Variants in UNC5D observed in about 807,000 individuals in gnomAD.
The protein encoded by UNC5D is netrin receptor UNC5D.
UNC5D carries 39 observed loss-of-function variants against 105.4 expected under a neutral mutation model. The observed-to-expected ratio is 0.37, with a 90% confidence interval of 0.29 to 0.48. The LOEUF (loss-of-function observed/expected upper bound fraction) is 0.48. Among genes scored for constraint, UNC5D ranks in the 20% least tolerant of loss-of-function variants. The probability of loss-of-function intolerance (pLI) is 0.98; values close to 1 mark genes in which losing one functional copy is unlikely to be tolerated. For missense variants in UNC5D, 991 were observed against 1,202.4 expected, an observed-to-expected ratio of 0.82 and a Z score of 2.60; for synonymous variants, 452 against 450.4, an observed-to-expected ratio of 1.00 and a Z score of -0.04.
intron 1 of UNC5D, among the ~76,000 whole-genome samples, chr8:35,292,220 T>G (rs1416320499): frequency 1.3e-5 from 2 of 152,216 alleles, no homozygotes; most frequent in East Asian, 3.9e-4. Context: ...TTCACTAGTT[T>G]CCCATTTCTG....
chr8:35,774,590 G>T, intron 16 of UNC5D, 113 bp downstream of exon 16: 1 of 1,354,388 alleles, frequency 7.4e-7, no homozygotes, highest in Non-Finnish European at 1.0e-6. Flanking sequence ...GAGTTCCTCT[G>T]GCCATATTTC....
intron 4 of UNC5D, among the ~76,000 whole-genome samples, chr8:35,626,208 T>C (rs993833329): frequency 6.6e-6 from 1 of 151,548 alleles, no homozygotes; most frequent in Non-Finnish European, 1.5e-5. Context: ...TTTTTTTTTT[T>C]AAAGGTAAGG....
chr8:35,314,578 C>A (rs1049084522), intron 1 of UNC5D, among the ~76,000 whole-genome samples: 1 of 148,556 alleles, frequency 6.7e-6, no homozygotes, highest in Non-Finnish European at 1.5e-5. Context: ...TATGTAAAAT[C>A]ATCTAATTTA....
intron 13 of UNC5D, among the ~76,000 whole-genome samples, chr8:35,757,501 C>T (rs1229660502): frequency 6.6e-6 from 1 of 152,178 alleles, no homozygotes; most frequent in Non-Finnish European, 1.5e-5. Flanking sequence ...AATGTCTAGA[C>T]TCCTTTCCTG....
intron 1 of UNC5D, among the ~76,000 whole-genome samples, chr8:35,503,426 G>C (rs1176564758): frequency 6.6e-6 from 1 of 152,156 alleles, no homozygotes. Context: ...ACTAGCATGA[G>C]AGCAGTATGG....
intron 1 of UNC5D, among the ~76,000 whole-genome samples, chr8:35,336,791 G>GTTTTTTTT (rs11404669): frequency 6.8e-6 from 1 of 147,610 alleles, no homozygotes; most frequent in African/African-American, 2.5e-5. Flanking sequence ...AGGAAATAGT[G>GTTTTTTTT]TTTTTTTTTT....
intron 2 of UNC5D, among the ~76,000 whole-genome samples, chr8:35,565,458 A>C (rs1817272181): frequency 2.0e-5 from 3 of 152,028 alleles, no homozygotes; most frequent in Non-Finnish European, 4.4e-5. Context: ...GACTTGCTTG[A>C]GTCCCTTGTA....
intron 1 of UNC5D, among the ~76,000 whole-genome samples, chr8:35,458,809 T>C (rs1233064388): frequency 6.6e-6 from 1 of 152,202 alleles, no homozygotes; most frequent in Non-Finnish European, 1.5e-5. Flanking sequence ...CAATCCAAAA[T>C]GATCCAAGAA....
intron 1 of UNC5D, among the ~76,000 whole-genome samples, chr8:35,407,726 G>A (rs1452854524): frequency 6.6e-6 from 1 of 151,832 alleles, no homozygotes; most frequent in South Asian, 2.1e-4. Context: ...GTGTGTGTTG[G>A]TCCCCTCTAT....
intron 1 of UNC5D, among the ~76,000 whole-genome samples, chr8:35,518,738 A>T (rs1304978622): frequency 6.6e-6 from 1 of 152,222 alleles, no homozygotes; most frequent in Non-Finnish European, 1.5e-5. Context: ...GCTGTTTGGC[A>T]GACAGAATCC....
intron 1 of UNC5D, among the ~76,000 whole-genome samples, chr8:35,345,869 A>G (rs894727186): frequency 2.0e-5 from 3 of 152,054 alleles, no homozygotes; most frequent in African/African-American, 7.2e-5. Flanking sequence ...AAGCAGAGTC[A>G]TCTCTTTGTA....
At chr8:35,465,638 T>A (rs1265763767) in intron 1 of UNC5D, among the ~76,000 whole-genome samples, 1 of 152,236 alleles carries the variant, frequency 6.6e-6, no homozygotes, top group Non-Finnish European at 1.5e-5. Context: ...ATTCTCTTAA[T>A]ATTGTCTTCT....
At chr8:35,279,173 G>A (rs1221737471) in intron 1 of UNC5D, among the ~76,000 whole-genome samples, 1 of 152,212 alleles carries the variant, frequency 6.6e-6, no homozygotes, top group African/African-American at 2.4e-5. Flanking sequence ...TAATGATGCT[G>A]TGTACACTCA....
chr8:35,727,752 A>C (rs1039803108), intron 10 of UNC5D: 4 of 152,146 alleles, frequency 2.6e-5, no homozygotes, highest in Non-Finnish European at 4.4e-5. Context: ...CTTTGTTCAA[A>C]TGTGTATGCG....
At chr8:35,600,221 G>C (rs1410315187) in intron 4 of UNC5D, among the ~76,000 whole-genome samples, 22 of 152,112 alleles carry the variant, frequency 1.4e-4, no homozygotes, top group Admixed American at 1.4e-3. Flanking sequence ...ATTTGGGTTG[G>C]TTCCAAGTCT....
At chr8:35,480,265 A>G (rs1033004747) in intron 1 of UNC5D, among the ~76,000 whole-genome samples, 27 of 152,220 alleles carry the variant, frequency 1.8e-4, no homozygotes, top group Admixed American at 6.5e-5. Flanking sequence ...AGTCATAAAC[A>G]GTAATATATG....
chr8:35,418,440 GCACA>G, intron 1 of UNC5D, among the ~76,000 whole-genome samples: 1 of 152,142 alleles, frequency 6.6e-6, no homozygotes, highest in Non-Finnish European at 1.5e-5. Context: ...TAATCCAAGT[GCACA>G]TTAGTGATGA....
chr8:35,372,463 T>C (rs1476909940), intron 1 of UNC5D, among the ~76,000 whole-genome samples: 2 of 152,020 alleles, frequency 1.3e-5, no homozygotes, highest in East Asian at 1.9e-4. Flanking sequence ...CTTGTATATT[T>C]TGGGGGGTTA....
chr8:35,658,799 C>T (rs1370119244), intron 4 of UNC5D, among the ~76,000 whole-genome samples: 3 of 151,974 alleles, frequency 2.0e-5, no homozygotes, highest in Non-Finnish European at 4.4e-5. Context: ...CTACAGGCGA[C>T]TGATACCACA....
Sources: gnomAD v4.1 joint callset for allele counts (sites outside exome capture counted in the v4.1 genomes callset) on GRCh38, gnomAD v4.1.1 for gene constraint, MANE v1.5 for transcripts, NCBI Gene and HGNC (gene_info 2026-07-23, HGNC 2026-07-21) for gene names.